RNF115: variants seen among roughly 807,000 people sequenced by gnomAD.
RNF115 encodes ring finger protein 115.
Under a neutral mutation model 39.2 loss-of-function variants are expected in RNF115, and 31 were observed. The ratio of observed to expected loss-of-function variants is 0.79; its 90% CI spans 0.59 to 1.07. RNF115 has a LOEUF of 1.07. RNF115 is among the 50% of genes least tolerant of loss of function. The pLI, the probability that RNF115 is intolerant of heterozygous loss-of-function variation, is 0.00. For missense variants in RNF115, 384 were observed against 381.7 expected (o/e 1.01, Z -0.05); for synonymous variants, 124 against 131.0 (o/e 0.95, Z 0.37).
chr1:145,788,039 C>T (rs1401986011), intron 2 of RNF115, among the ~76,000 whole-genome samples: 2 of 152,098 alleles, frequency 1.3e-5, no homozygotes, highest in Non-Finnish European at 2.9e-5. Context: ...GCATTACAAA[C>T]CCATATATTA....
intron 4 of RNF115, among the ~76,000 whole-genome samples, chr1:145,756,152 A>T (rs1157273949): frequency 6.6e-6 from 1 of 152,068 alleles, no homozygotes; most frequent in East Asian, 1.9e-4. Context: ...TCAGACTATA[A>T]CACTTCTTTG....
intron 4 of RNF115, among the ~76,000 whole-genome samples, chr1:145,758,577 T>C (rs1349039464): frequency 6.6e-6 from 1 of 152,242 alleles, no homozygotes; most frequent in Non-Finnish European, 1.5e-5. Context: ...ACCCACCTAT[T>C]TGTCAGTGAC....
intron 8 of RNF115, 148 bp downstream of exon 8, chr1:145,747,847 T>C (rs1657931253): frequency 6.6e-6 from 4 of 607,264 alleles, no homozygotes; most frequent in South Asian, 5.6e-5. Context: ...TTGCAACCCT[T>C]GGTCAGAAAA....
At chr1:145,802,796 G>T (rs1649306465) in intron 1 of RNF115, among the ~76,000 whole-genome samples, 1 of 152,240 alleles carries the variant, frequency 6.6e-6, no homozygotes, top group Non-Finnish European at 1.5e-5. Context: ...TTTCTAATTA[G>T]AAGGATTAAG....
chr1:145,769,869 T>G (rs1362348811), intron 4 of RNF115, among the ~76,000 whole-genome samples: 2 of 151,698 alleles, frequency 1.3e-5, no homozygotes, highest in Non-Finnish European at 2.9e-5. Context: ...TAGCCAGGCG[T>G]GGTGGCACAT....
intron 3 of RNF115, chr1:145,772,225 A>T (rs718942): frequency 0.29 from 58,467 of 201,082 alleles, 9,633 homozygotes; most frequent in Non-Finnish European, 0.35. Context: ...GACTTTTTTT[A>T]AAAAAAGTTT....
At chr1:145,789,366 G>A (rs188829226) in intron 1 of RNF115, among the ~76,000 whole-genome samples, 147 of 152,102 alleles carry the variant, frequency 9.7e-4, no homozygotes, top group Admixed American at 3.5e-3. Context: ...CTCCCAAAGT[G>A]CTGGAATTAC....
At chr1:145,809,023 G>A (rs1649580685) in intron 1 of RNF115, among the ~76,000 whole-genome samples, 1 of 152,080 alleles carries the variant, frequency 6.6e-6, no homozygotes, top group East Asian at 1.9e-4. Flanking sequence ...ATTATGGGAT[G>A]ACTCCTCTTC....
chr1:145,784,460 C>T (rs1648287170), intron 3 of RNF115, 79 bp downstream of exon 3: 1 of 1,243,162 alleles, frequency 8.0e-7, no homozygotes, highest in East Asian at 2.3e-5. Context: ...TGTTGTGCCA[C>T]ACTGGAAAGT....
At position 145,747,943 on chromosome 1, in the gene RNF115, A is replaced by C. The variant is rs782239825; in HGVS notation, c.783+52T>G. The C allele has an allele frequency of 9.3e-6, 11 of 1,176,636 alleles. No homozygotes were observed. In the Admixed American group the frequency reaches 1.5e-4, roughly 16 times the overall value. 72.9% of individuals were successfully genotyped at this position (1,176,636 alleles called of 1,614,324 possible). A position where few individuals can be genotyped will look rare whatever the true frequency, so the allele number is the denominator to read the frequency against. Reference sequence around the variant, plus strand: ...CTTGGATCTCGAGGAACTGTTAACTATACCTTTACTCTGAATCATCCCCCA... The same window carrying C: ...CTTGGATCTCGAGGAACTGTTAACTCTACCTTTACTCTGAATCATCCCCCA... On this transcript the variant is annotated intron_variant, in intron 8 of 8. Coordinates refer to ENST00000582693, the MANE Select transcript of RNF115 (RefSeq NM_014455.4).
rs952956916 is a variant in RNF115, at chr1:145,787,500, A to C, written c.161+1408T>G. On this transcript the variant is annotated intron_variant, in intron 2 of 8. Coordinates refer to ENST00000582693, the MANE Select transcript of RNF115 (RefSeq NM_014455.4). ...GGCAGGAGAATCACTTGAACCTGGG[A>C]GGCAGAGATTGCAGTGAGCCAAGAT... 2.3e-4 allele frequency among the ~76,000 whole-genome samples: 33 copies of C among 144,130 alleles called. 1 individual carries two copies. Among genetic ancestry groups the C allele is most frequent in the African/African-American group, 8.2e-4 (32 of 38,908 alleles). 94.6% of individuals were successfully genotyped at this position (144,130 alleles called of 152,430 possible).
Position 145,741,768 on chromosome 1 carries a change from T to G in RNF115, c.*5098A>C, listed in dbSNP as rs1477614677. The stretch of plus-strand genomic sequence containing the variant: ...ACAGAGGCCAAAAAGGGTTTTCCCC[T>G]AACATCCAAATACCTATTCAGATAC... On this transcript the variant is annotated 3_prime_UTR_variant, in exon 9 of 9. Coordinates refer to ENST00000582693, the MANE Select transcript of RNF115 (RefSeq NM_014455.4). The G allele has an allele frequency of 6.6e-6, 1 of 152,214 alleles. No individual in the cohort carries two copies. Among genetic ancestry groups the G allele is most frequent in the Non-Finnish European group, 1.5e-5 (1 of 68,058 alleles). The allele number at this position is 152,214 out of a possible 1,614,324, so 9.4% of individuals were successfully genotyped here. A position where few individuals can be genotyped will look rare whatever the true frequency, so the allele number is the denominator to read the frequency against.
In RNF115 at chr1:145,741,556, T is replaced by G. The variant is rs1388702714; in HGVS notation, c.*5310A>C. The G allele has an allele frequency of 4.6e-5, 7 of 152,256 alleles. No homozygotes were observed. Among genetic ancestry groups the G allele is most frequent in the Non-Finnish European group, 7.3e-5 (5 of 68,060 alleles). 9.4% of individuals were successfully genotyped at this position (152,256 alleles called of 1,614,324 possible). ...ATTACTGCAGGCTAGGATTTCCCCC[T>G]ATAGGACAGCCACTTGTGATACTTA... On this transcript the variant is annotated 3_prime_UTR_variant, in exon 9 of 9. Transcript: ENST00000582693.
At chr1:145,785,156 A>G (rs1000296665) in intron 2 of RNF115, among the ~76,000 whole-genome samples, 1 of 150,166 alleles carries the variant, frequency 6.7e-6, no homozygotes, top group Non-Finnish European at 1.5e-5. Context: ...CACCAACCAA[A>G]TAAGACTCTT....
rs1657731767 is a variant in RNF115 at position 145,743,009 on chromosome 1, A to C, written c.*3857T>G. The stretch of plus-strand genomic sequence containing the variant: ...GGTGAACCACTTCTCATAGAGACAC[A>C]TTATTAACTTGGTGAAACTTAATTG... On this transcript the variant is annotated 3_prime_UTR_variant, in exon 9 of 9. Coordinates refer to ENST00000582693, the MANE Select transcript of RNF115 (RefSeq NM_014455.4). The C allele has an allele frequency of 6.6e-6, 1 of 152,166 alleles. No homozygotes were observed. Among genetic ancestry groups the C allele is most frequent in the Non-Finnish European group, 1.5e-5 (1 of 68,044 alleles). 9.4% of individuals were successfully genotyped at this position (152,166 alleles called of 1,614,324 possible).
intron 1 of RNF115, among the ~76,000 whole-genome samples, chr1:145,814,961 A>T: frequency 6.6e-6 from 1 of 152,356 alleles, no homozygotes; most frequent in South Asian, 2.1e-4. Context: ...TTCAACTCAT[A>T]TCAATCATTC....
intron 4 of RNF115, among the ~76,000 whole-genome samples, chr1:145,764,070 C>T (rs1302607959): frequency 6.6e-6 from 1 of 152,194 alleles, no homozygotes; most frequent in Non-Finnish European, 1.5e-5. Flanking sequence ...CGCGCCACCA[C>T]GCCTGACTGG....
chr1:145,788,433 A>T (rs1648489694), intron 2 of RNF115, among the ~76,000 whole-genome samples: 1 of 152,174 alleles, frequency 6.6e-6, no homozygotes, highest in African/African-American at 2.4e-5. Flanking sequence ...GCAGAGTAAC[A>T]ATTGGTTTTC....
At chr1:145,763,262 C>G (rs1418870694) in intron 4 of RNF115, among the ~76,000 whole-genome samples, 1 of 152,034 alleles carries the variant, frequency 6.6e-6, no homozygotes, top group African/African-American at 2.4e-5. Context: ...GGTGGGACAC[C>G]TTCTTAGAAG....
Sources: allele counts gnomAD v4.1 joint callset (sites outside exome capture counted in the v4.1 genomes callset), GRCh38; gene constraint gnomAD v4.1.1; transcripts MANE v1.5; gene names NCBI Gene and HGNC (gene_info 2026-07-23, HGNC 2026-07-21).